PTPRN2: variants seen among roughly 807,000 people sequenced by gnomAD.
The protein encoded by PTPRN2 is receptor-type tyrosine-protein phosphatase N2.
PTPRN2 carries 74 observed loss-of-function variants against 118.8 expected under a neutral mutation model. The ratio of observed to expected loss-of-function variants is 0.62; its 90% confidence interval spans 0.52 to 0.76. The LOEUF (loss-of-function observed/expected upper bound fraction) is 0.76, where lower values mean the gene tolerates loss of function less well. Ranked by LOEUF, PTPRN2 falls within the 30% of genes least tolerant of loss-of-function variation. The probability of loss-of-function intolerance (pLI) is 0.00; values close to 1 mark genes in which losing one functional copy is unlikely to be tolerated. For synonymous variants in PTPRN2, 641 were observed against 608.0 expected (o/e 1.05, Z -0.80); for missense variants, 1,481 against 1,394.4 (o/e 1.06, Z -0.99).
chr7:157,542,733 A>C (rs533293828), intron 22 of PTPRN2, among the ~76,000 whole-genome samples: 2 of 152,240 alleles, frequency 1.3e-5, no homozygotes, highest in Non-Finnish European at 2.9e-5. Context: ...CATGTTTGGC[A>C]ATTGTTACCG....
At chr7:158,163,933 C>G (rs1822626128) in intron 6 of PTPRN2, among the ~76,000 whole-genome samples, 1 of 152,232 alleles carries the variant, frequency 6.6e-6, no homozygotes, top group African/African-American at 2.4e-5. Flanking sequence ...ATGGGGTTCT[C>G]AATTCTCTCT....
Position 157,953,948 on chromosome 7 carries a change from T to A in PTPRN2, c.1724-55211A>T, listed in dbSNP as rs559079906. Among the ~76,000 whole-genome samples the A allele has an allele frequency of 6.6e-6, 1 of 152,296 alleles. No individual in the cohort carries two copies. The highest frequency in any genetic ancestry group is 2.1e-4 in the South Asian group (1 of 4,820). On this transcript the variant is annotated intron_variant, in intron 11 of 22. Transcript: ENST00000389418. The surrounding 1 kb of genome is among the most constrained non-coding windows in gnomAD (Gnocchi z 4.6). ...GCTTGAAGATGCATGTGTGTTAGAG[T>A]CTCTTCCACAGAACTCTCTGGAAAG...
intron 2 of PTPRN2, among the ~76,000 whole-genome samples, chr7:158,423,988 C>CT (rs1194429129): frequency 6.6e-6 from 1 of 152,194 alleles, no homozygotes; most frequent in Non-Finnish European, 1.5e-5. Context: ...CTTATTTTCA[C>CT]TTTTTTAGAC....
chr7:158,127,919 T>C (rs533237352), intron 9 of PTPRN2, among the ~76,000 whole-genome samples: 6 of 152,270 alleles, frequency 3.9e-5, no homozygotes, highest in African/African-American at 1.4e-4. Flanking sequence ...TCCCTCTAGT[T>C]TGTAAAAAGG....
At chr7:157,572,693 C>T (rs1034022425) in intron 19 of PTPRN2, among the ~76,000 whole-genome samples, 21 of 152,160 alleles carry the variant, frequency 1.4e-4, no homozygotes, top group East Asian at 3.9e-4. Flanking sequence ...GAGGGCACCA[C>T]GGGAGCTGAA....
At chr7:158,335,542 GTCAC>G (rs1169109910) in intron 2 of PTPRN2, among the ~76,000 whole-genome samples, 1 of 36,964 alleles carries the variant, frequency 2.7e-5, no homozygotes, top group African/African-American at 9.8e-5. Flanking sequence ...ACCTGCAGAT[GTCAC>G]TCACACCCAC....
intron 1 of PTPRN2, among the ~76,000 whole-genome samples, chr7:158,550,038 G>C (rs964784148): frequency 6.6e-6 from 1 of 152,208 alleles, no homozygotes; most frequent in African/African-American, 2.4e-5. Context: ...TCGGCGTCAG[G>C]AAGGACCTCA....
At chr7:158,080,799 A>T (rs1812762764) in intron 11 of PTPRN2, among the ~76,000 whole-genome samples, 1 of 152,150 alleles carries the variant, frequency 6.6e-6, no homozygotes, top group South Asian at 2.1e-4. Flanking sequence ...AACCGTCTGG[A>T]AGTCGGCCGG....
At chr7:158,178,542 G>A (rs1005113099) in intron 5 of PTPRN2, among the ~76,000 whole-genome samples, 5 of 145,948 alleles carry the variant, frequency 3.4e-5, no homozygotes, top group Non-Finnish European at 6.0e-5. Context: ...ATTCTTTTTC[G>A]TGGCTGAGTA....
intron 5 of PTPRN2, among the ~76,000 whole-genome samples, chr7:158,174,795 G>A (rs938287581): frequency 6.6e-6 from 1 of 152,160 alleles, no homozygotes; most frequent in Non-Finnish European, 1.5e-5. Context: ...CTGCTTCCTG[G>A]AGCCAGCTGA....
chr7:158,110,776 C>T, intron 10 of PTPRN2, 53 bp downstream of exon 10: 1 of 1,486,286 alleles, frequency 6.7e-7, no homozygotes, highest in Non-Finnish European at 9.2e-7. Context: ...CCCACCCAGT[C>T]TCTGCGACCA....
intron 3 of PTPRN2, among the ~76,000 whole-genome samples, chr7:158,263,856 C>T (rs77670071): frequency 2.5e-4 from 38 of 152,302 alleles, no homozygotes; most frequent in African/African-American, 7.0e-4. Flanking sequence ...GCTGCAATGA[C>T]GGCCGAGCCA....
chr7:158,222,082 T>C (rs1378680239), intron 3 of PTPRN2, among the ~76,000 whole-genome samples: 1 of 152,126 alleles, frequency 6.6e-6, no homozygotes, highest in Non-Finnish European at 1.5e-5. Context: ...ATAACAGATG[T>C]TGACAAGGTT....
chr7:158,015,154 G>T lies in PTPRN2; in HGVS notation c.1723+66144C>A, dbSNP rs1390021895. On this transcript the variant is annotated intron_variant, in intron 11 of 22. Coordinates refer to ENST00000389418, the MANE Select transcript of PTPRN2 (RefSeq NM_002847.5). The surrounding 1 kb of genome is among the most constrained non-coding windows in gnomAD (Gnocchi z 4.2). The stretch of plus-strand genomic sequence containing the variant: ...ACAATTCAGCTCCAGATACCCAGGG[G>T]GTCTAGGCGGTCAGCTGACCTTTCT... Among the ~76,000 whole-genome samples the T allele has an allele frequency of 6.6e-6, 1 of 152,178 alleles. No homozygotes were observed. The highest frequency in any genetic ancestry group is 6.5e-5 in the Admixed American group (1 of 15,282).
Position 157,831,882 on chromosome 7 carries a change from C to T in PTPRN2, c.1788+66791G>A, listed in dbSNP as rs1007374521. 6.6e-6 allele frequency among the ~76,000 whole-genome samples: 1 copy of T among 152,196 alleles called. No individual in the cohort carries two copies. The highest frequency in any genetic ancestry group is 1.5e-5 in the Non-Finnish European group (1 of 68,042). On this transcript the variant is annotated intron_variant, in intron 12 of 22. Transcript: ENST00000389418. This position sits in a 1 kb window ranked among gnomAD's most constrained non-coding sequence, Gnocchi z 4.8. Reference sequence around the variant, plus strand: ...TTCCAGGGTTTAATTCATAGCCATCCTTAAGCTGGGGGAGGGCAGTTATGG... The same window carrying T: ...TTCCAGGGTTTAATTCATAGCCATCTTTAAGCTGGGGGAGGGCAGTTATGG...
intron 22 of PTPRN2, among the ~76,000 whole-genome samples, chr7:157,543,564 G>A (rs1442277585): frequency 6.6e-6 from 1 of 152,256 alleles, no homozygotes; most frequent in African/African-American, 2.4e-5. Context: ...CTGGGGTAAG[G>A]GTCAGCCAGG....
In PTPRN2 at chr7:158,543,207, A is replaced by T. The variant is rs76536653; in HGVS notation, c.112+44351T>A. The stretch of plus-strand genomic sequence containing the variant: ...AAATGAGGATGTGGCTGCAGACAGC[A>T]CCCCCGAGCACGGAGCTCACCTTAG... On this transcript the variant is annotated intron_variant, in intron 1 of 22. Coordinates refer to ENST00000389418, the MANE Select transcript of PTPRN2 (RefSeq NM_002847.5). 1.6e-3 allele frequency among the ~76,000 whole-genome samples: 250 copies of T among 152,308 alleles called. 8 individuals carry two copies. In the East Asian group the frequency reaches 0.031, roughly 19 times the overall value.
intron 14 of PTPRN2, among the ~76,000 whole-genome samples, chr7:157,655,986 C>A (rs565338029): frequency 1.2e-4 from 18 of 151,672 alleles, no homozygotes; most frequent in Admixed American, 1.1e-3. Flanking sequence ...GCCTTGAGTG[C>A]CAAGGAGACA....
intron 22 of PTPRN2, among the ~76,000 whole-genome samples, chr7:157,543,380 G>T (rs73513049): frequency 6.6e-6 from 1 of 152,246 alleles, no homozygotes; most frequent in Non-Finnish European, 1.5e-5. Context: ...GAGGTGGGAC[G>T]GCCGAGCCAG....
Sources: allele counts gnomAD v4.1 joint callset (sites outside exome capture counted in the v4.1 genomes callset), GRCh38; gene constraint gnomAD v4.1.1; non-coding constraint Gnocchi (gnomAD v3.1); transcripts MANE v1.5; gene names NCBI Gene and HGNC (gene_info 2026-07-23, HGNC 2026-07-21).